The following ZMYM2 variants were observed in gnomAD, a reference collection of about 807,000 sequenced individuals.
The protein encoded by ZMYM2 is zinc finger MYM-type containing 2.
Under a neutral mutation model 162.8 loss-of-function variants are expected in ZMYM2, and 56 were observed. The ratio of observed to expected loss-of-function variants is 0.34; its 90% confidence interval spans 0.28 to 0.43. ZMYM2 has a LOEUF of 0.43. ZMYM2 is among the 20% of genes least tolerant of loss of function. ZMYM2 has a pLI of 1.00. For missense variants in ZMYM2, 1,275 were observed against 1,621.8 expected (o/e 0.79, Z 3.67); for synonymous variants, 510 against 541.6 (o/e 0.94, Z 0.81).
At chr13:20,046,780 A>C (rs1466661365) in intron 12 of ZMYM2, among the ~76,000 whole-genome samples, 1 of 151,652 alleles carries the variant, frequency 6.6e-6, no homozygotes, top group African/African-American at 2.4e-5. Context: ...CTTTGACAAA[A>C]GACCATGTTA....
At position 20,019,530 on chromosome 13, in the gene ZMYM2, T is replaced by G. The variant is rs1951897070; in HGVS notation, c.1513-17T>G. ...TCTTTATGTGTGTTTATAAAGTCTT[T>G]TAAAATCTTTTTTTAGGTAGGTAGC... On this transcript the variant is annotated splice_polypyrimidine_tract_variant and intron_variant, in intron 6 of 24. Coordinates refer to ENST00000610343, the MANE Select transcript of ZMYM2 (RefSeq NM_197968.4). 3 of 1,561,736 alleles carry G rather than the reference T, an allele frequency of 1.9e-6. No individual in the cohort carries two copies. Among genetic ancestry groups the G allele is most frequent in the Non-Finnish European group, 2.6e-6 (3 of 1,152,960 alleles).
At chr13:20,084,274 A>C (rs927603209) in intron 24 of ZMYM2, among the ~76,000 whole-genome samples, 1 of 152,170 alleles carries the variant, frequency 6.6e-6, no homozygotes, top group African/African-American at 2.4e-5. Flanking sequence ...CAGCCTCCCA[A>C]AGTGCTGGAA....
At chr13:19,873,789 G>A in the ZMYM2 span, among the ~76,000 whole-genome samples, 1,839 of 152,236 alleles carry the variant, frequency 0.012, 39 homozygotes, top group African/African-American at 0.04. Context: ...GCGTCTTCCT[G>A]TCTGAACCAT....
Position 20,062,831 on chromosome 13 carries a change from A to G in ZMYM2, c.2912-15A>G, listed in dbSNP as rs1322828774. 1 of 1,549,538 alleles carries G rather than the reference A, an allele frequency of 6.5e-7. No homozygotes were observed. The highest frequency in any genetic ancestry group is 8.7e-7 in the Non-Finnish European group (1 of 1,145,508). ...TTCTGTTTTGATTCCTAATGATAAT[A>G]TGGATTGATTTCAGGTGTAATTATT... On this transcript the variant is annotated splice_polypyrimidine_tract_variant and intron_variant, in intron 17 of 24. Transcript: ENST00000610343.
rs1304097591 is a variant in ZMYM2 at position 19,993,740 on chromosome 13, C to G, written c.668C>G (p.Thr223Ser). 2 of 1,614,008 alleles carry G rather than the reference C, an allele frequency of 1.2e-6. No individual in the cohort carries two copies. Among genetic ancestry groups the G allele is most frequent in the Non-Finnish European group, 1.7e-6 (2 of 1,179,926 alleles). The change falls in exon 3 of 25, where the codon ACC (threonine) becomes AGC (serine). Residue 223 changes from threonine (T) to serine (S), a missense_variant. By Grantham distance (58) the Thr-to-Ser change is moderately conservative (BLOSUM62 1). Around this residue, in one of 10 missense-constraint regions of ZMYM2, gnomAD observed 295 missense variants for 286.7 expected, o/e 1.03. Transcript: ENST00000610343. ...MITHVTSLQNTNLGDVSNGLQ... is the reference protein window; with the variant it reads ...MITHVTSLQNSNLGDVSNGLQ... ...ACACATGTAACATCACTGCAGAATA[C>G]CAACTTGGGAGATGTCTCTAACGGA...
At chr13:19,915,415 T>TTTTC in the ZMYM2 span, among the ~76,000 whole-genome samples, 1,905 of 148,388 alleles carry the variant, frequency 0.013, 30 homozygotes, top group African/African-American at 0.036. Flanking sequence ...CTTGCTTGCT[T>TTTTC]TTTCTTTCTT....
At chr13:19,890,222 C>T in the ZMYM2 span, among the ~76,000 whole-genome samples, 1 of 151,804 alleles carries the variant, frequency 6.6e-6, no homozygotes, top group East Asian at 1.9e-4. Flanking sequence ...GGCTGGAATG[C>T]AGTGGTGTGA....
At chr13:19,990,514 G>GAT (rs1420387626) in intron 2 of ZMYM2, among the ~76,000 whole-genome samples, 1 of 152,162 alleles carries the variant, frequency 6.6e-6, no homozygotes, top group Non-Finnish European at 1.5e-5. Context: ...TGCTTAAAGA[G>GAT]ATGTTCTCTG....
chr13:19,920,982 G>A, the ZMYM2 span, among the ~76,000 whole-genome samples: 1 of 151,550 alleles, frequency 6.6e-6, no homozygotes, highest in African/African-American at 2.4e-5. Flanking sequence ...TGTTGGCCAG[G>A]ATGGTCTCCA....
intron 19 of ZMYM2, among the ~76,000 whole-genome samples, chr13:20,066,149 A>G (rs957961509): frequency 3.3e-5 from 5 of 152,192 alleles, no homozygotes; most frequent in African/African-American, 1.2e-4. Flanking sequence ...GCAAATACCT[A>G]TATTTCATTT....
chr13:19,988,713 G>A (rs1594204569), intron 2 of ZMYM2, among the ~76,000 whole-genome samples: 1 of 152,172 alleles, frequency 6.6e-6, no homozygotes, highest in Non-Finnish European at 1.5e-5. Context: ...AACCCAGGAG[G>A]TGGAGGTTGC....
At chr13:19,911,044 CTTTT>C in the ZMYM2 span, among the ~76,000 whole-genome samples, 3 of 89,280 alleles carry the variant, frequency 3.4e-5, no homozygotes, top group African/African-American at 3.5e-5. Context: ...AGTTCCCAGT[CTTTT>C]TTTTTTTTTT....
At chr13:19,929,518 G>A in the ZMYM2 span, among the ~76,000 whole-genome samples, 26 of 152,124 alleles carry the variant, frequency 1.7e-4, no homozygotes, top group Non-Finnish European at 3.4e-4. Context: ...GATTACATGC[G>A]TGAGCCACCG....
the ZMYM2 span, among the ~76,000 whole-genome samples, chr13:19,932,719 GC>G: frequency 6.6e-6 from 1 of 152,082 alleles, no homozygotes; most frequent in Middle Eastern, 3.4e-3. Context: ...TGAAGATCCA[GC>G]AAGAAGGTGG....
At chr13:19,954,126 ATTTTTTTT>A (rs781288600), upstream of ZMYM2, among the ~76,000 whole-genome samples, 6 of 64,912 alleles carry the variant, frequency 9.2e-5, 1 homozygote, top group Middle Eastern at 0.018. Context: ...GCTATGTTTA[ATTTTTTTT>A]TTTTTTTTTT....
chr13:19,934,158 T>G, the ZMYM2 span, among the ~76,000 whole-genome samples: 3 of 149,612 alleles, frequency 2.0e-5, no homozygotes, highest in Non-Finnish European at 4.4e-5. Context: ...ACTCGTATTT[T>G]GTTTTAAATA....
At chr13:20,012,856 C>A (rs1353059506) in intron 6 of ZMYM2, among the ~76,000 whole-genome samples, 1 of 152,174 alleles carries the variant, frequency 6.6e-6, no homozygotes. Context: ...ATTTTGATTA[C>A]TGTATCTTTG....
chr13:19,877,000 GGATCACGAGGTCAGGA>G, the ZMYM2 span, among the ~76,000 whole-genome samples: 3 of 152,052 alleles, frequency 2.0e-5, no homozygotes, highest in African/African-American at 7.2e-5. Flanking sequence ...CGAGGCGGGC[GGATCACGAGGTCAGGA>G]GATCGAGACC....
intron 16 of ZMYM2, 89 bp downstream of exon 16, chr13:20,059,651 G>A: frequency 1.4e-6 from 1 of 708,622 alleles, no homozygotes; most frequent in South Asian, 1.6e-5. Flanking sequence ...AACAACAAGA[G>A]TTTGAACTCC....
Sources: gnomAD v4.1 joint callset for allele counts (sites outside exome capture counted in the v4.1 genomes callset) on GRCh38, gnomAD v4.1.1 for gene constraint, gnomAD v4.1.1 regional missense constraint, MANE v1.5 for transcripts, NCBI Gene and HGNC (gene_info 2026-07-23, HGNC 2026-07-21) for gene names.